The following FSTL4 variants were observed in gnomAD, a reference collection of about 807,000 sequenced individuals.
The protein encoded by FSTL4 is follistatin-related protein 4.
Under a neutral mutation model 78.2 loss-of-function variants are expected in FSTL4, and 28 were observed. The ratio of observed to expected loss-of-function variants is 0.36; its 90% confidence interval spans 0.27 to 0.49. The LOEUF is 0.49. Among genes scored for constraint, FSTL4 ranks in the 20% least tolerant of loss-of-function variants. The pLI is 0.98. For missense variants in FSTL4, 922 were observed against 1,084.9 expected (o/e 0.85, Z 2.11); for synonymous variants, 422 against 440.5 (o/e 0.96, Z 0.53).
Position 133,402,906 on chromosome 5 carries a change from G to A in FSTL4, c.161-1920C>T, listed in dbSNP as rs547756375. The stretch of plus-strand genomic sequence containing the variant: ...GTGGCATTCAGCGGCCCCTCTGCAC[G>A]CCTTCCTGTCAAGGTTGATGGTGGC... On this transcript the variant is annotated intron_variant, in intron 3 of 15. Transcript: ENST00000265342. Among the ~76,000 whole-genome samples, 7 of 152,364 alleles carry A rather than the reference G, an allele frequency of 4.6e-5. No individual in the cohort carries two copies. In the South Asian group the frequency reaches 1.2e-3, roughly 27 times the overall value.
the FSTL4 span, among the ~76,000 whole-genome samples, chr5:133,670,190 A>C: frequency 2.6e-3 from 401 of 152,370 alleles, 1 homozygote; most frequent in African/African-American, 9.0e-3. Flanking sequence ...TGAGGTGGCT[A>C]TCATAAAATA....
chr5:133,237,979 C>A (rs1268962592), intron 7 of FSTL4, among the ~76,000 whole-genome samples: 1 of 151,852 alleles, frequency 6.6e-6, no homozygotes, highest in South Asian at 2.1e-4. Context: ...GGGAAAGAGA[C>A]AATTTTAAAG....
the FSTL4 span, among the ~76,000 whole-genome samples, chr5:133,832,920 A>G: frequency 6.6e-6 from 1 of 152,210 alleles, no homozygotes; most frequent in Admixed American, 6.5e-5. Context: ...ACTAATGGAC[A>G]CCAAAATTTG....
chr5:133,835,594 A>G, the FSTL4 span, among the ~76,000 whole-genome samples: 6 of 152,206 alleles, frequency 3.9e-5, no homozygotes, highest in African/African-American at 1.2e-4. Flanking sequence ...CTACTTATAT[A>G]TACTACAGAA....
At position 133,570,081 on chromosome 5, in the gene FSTL4, C is replaced by T. The variant is rs1056301258; in HGVS notation, c.127-2862G>A. 1.6e-4 allele frequency among the ~76,000 whole-genome samples: 24 copies of T among 151,546 alleles called. 1 individual carries two copies. The highest frequency in any genetic ancestry group is 1.5e-3 in the South Asian group (7 of 4,782). ...AAAATTAGCCGGGCGTGGTGGTGGG[C>T]GCCTGTAGTCCCAGCTACTCGGGAG... On this transcript the variant is annotated intron_variant, in intron 2 of 15. Transcript: ENST00000265342.
chr5:133,618,408 A>G, the FSTL4 span, among the ~76,000 whole-genome samples: 4 of 152,200 alleles, frequency 2.6e-5, no homozygotes, highest in East Asian at 7.7e-4. Flanking sequence ...AAGGATCTAT[A>G]GTATGTTTTT....
chr5:133,306,202 G>T (rs767342049), intron 6 of FSTL4, among the ~76,000 whole-genome samples: 2 of 152,192 alleles, frequency 1.3e-5, no homozygotes, highest in African/African-American at 2.4e-5. Context: ...CAGGAGTTGG[G>T]CCGGGTGGGG....
the FSTL4 span, among the ~76,000 whole-genome samples, chr5:133,834,048 G>C: frequency 6.6e-6 from 1 of 152,186 alleles, no homozygotes; most frequent in Non-Finnish European, 1.5e-5. Flanking sequence ...AATGAACAAT[G>C]AAAGTCTGAG....
intron 2 of FSTL4, among the ~76,000 whole-genome samples, chr5:133,594,527 G>A (rs17693964): frequency 0.19 from 28,423 of 152,198 alleles, 3,394 homozygotes; most frequent in East Asian, 0.29. Flanking sequence ...ATGCTAATAT[G>A]AGAACAGCAG....
At chr5:133,297,494 C>T (rs1400718267) in intron 6 of FSTL4, among the ~76,000 whole-genome samples, 3 of 152,322 alleles carry the variant, frequency 2.0e-5, no homozygotes, top group African/African-American at 7.2e-5. Flanking sequence ...GACTTAATCT[C>T]TCTGTGTCTC....
intron 3 of FSTL4, among the ~76,000 whole-genome samples, chr5:133,496,756 T>C (rs1290180242): frequency 6.6e-6 from 1 of 151,526 alleles, no homozygotes; most frequent in East Asian, 1.9e-4. Flanking sequence ...AGGAGGGAGG[T>C]TCTAAGGGAC....
At chr5:133,372,570 A>G (rs139221937) in intron 4 of FSTL4, among the ~76,000 whole-genome samples, 137 of 152,330 alleles carry the variant, frequency 9.0e-4, no homozygotes, top group Middle Eastern at 3.4e-3. Context: ...TAAAAAGCCA[A>G]TGAGGACAAC....
chr5:133,661,793 G>T, the FSTL4 span, among the ~76,000 whole-genome samples: 6 of 152,184 alleles, frequency 3.9e-5, no homozygotes, highest in Non-Finnish European at 8.8e-5. Flanking sequence ...GTAATTAAGT[G>T]AGGGCATTAC....
At chr5:133,581,771 G>A (rs1214911448) in intron 2 of FSTL4, among the ~76,000 whole-genome samples, 2 of 152,240 alleles carry the variant, frequency 1.3e-5, no homozygotes, top group African/African-American at 4.8e-5. Context: ...GTGGGACACA[G>A]GCATCAGCAT....
chr5:133,274,149 G>A (rs1371999005), intron 6 of FSTL4, among the ~76,000 whole-genome samples: 1 of 152,192 alleles, frequency 6.6e-6, no homozygotes, highest in Non-Finnish European at 1.5e-5. Flanking sequence ...CCTCTGGGCA[G>A]GCAGGGATGT....
At chr5:133,692,809 C>T in the FSTL4 span, among the ~76,000 whole-genome samples, 2 of 152,316 alleles carry the variant, frequency 1.3e-5, no homozygotes, top group African/African-American at 4.8e-5. Flanking sequence ...CCAATGACTT[C>T]CTACTCAACC....
chr5:133,725,498 G>A, the FSTL4 span, among the ~76,000 whole-genome samples: 7 of 152,172 alleles, frequency 4.6e-5, no homozygotes, highest in Admixed American at 6.5e-5. Flanking sequence ...CACATGCCAC[G>A]CAAGTACATT....
chr5:133,341,911 A>G (rs1754590734), intron 4 of FSTL4, among the ~76,000 whole-genome samples: 1 of 152,114 alleles, frequency 6.6e-6, no homozygotes, highest in Non-Finnish European at 1.5e-5. Context: ...TCCAGCCTAT[A>G]AGAGAGCTAG....
intron 7 of FSTL4, among the ~76,000 whole-genome samples, 154 bp from the exon 8 acceptor site, chr5:133,233,691 G>A (rs374883137): frequency 2.6e-5 from 4 of 152,324 alleles, no homozygotes; most frequent in African/African-American, 4.8e-5. Flanking sequence ...GGGGTGAGCC[G>A]TCCTGGGCAG....
Sources: allele counts gnomAD v4.1 joint callset (sites outside exome capture counted in the v4.1 genomes callset), GRCh38; gene constraint gnomAD v4.1.1; transcripts MANE v1.5; gene names NCBI Gene and HGNC (gene_info 2026-07-23, HGNC 2026-07-21).